SPART: variants seen among roughly 807,000 people sequenced by gnomAD.
SPART encodes the protein spartin, also known as spastic paraplegia 20 (Troyer syndrome).
A neutral mutation model predicts 58.7 loss-of-function variants in SPART; 35 were observed. The observed-to-expected ratio is 0.60, with a 90% CI of 0.46 to 0.79. The LOEUF (loss-of-function observed/expected upper bound fraction) is 0.79. SPART is among the 30% of genes least tolerant of loss of function. The pLI is 0.00. For synonymous variants in SPART, 284 were observed against 280.7 expected (o/e 1.01, Z -0.12); for missense variants, 730 against 786.1 (o/e 0.93, Z 0.85).
rs1180762875 is a variant in SPART, at chr13:36,326,572, T to C, written c.1288+3A>G. 2.5e-6 allele frequency: 4 copies of C among 1,613,350 alleles called. No individual in the cohort carries two copies. The highest frequency in any genetic ancestry group is 2.5e-6 in the Non-Finnish European group (3 of 1,179,828). On this transcript the variant is annotated splice_donor_region_variant and intron_variant, in intron 5 of 8. Transcript: ENST00000438666. ...GGGAAAAAAATTAACATTACTGTAATACCTGACAAAATGTTGTGAGCCACT... is the reference window on the plus strand; with the variant it reads ...GGGAAAAAAATTAACATTACTGTAACACCTGACAAAATGTTGTGAGCCACT...
intron 6 of SPART, among the ~76,000 whole-genome samples, chr13:36,313,191 T>C (rs1177881097): frequency 4.6e-5 from 7 of 152,128 alleles, no homozygotes. Context: ...TCCCTCCCTC[T>C]TGACCCTCAA....
chr13:36,313,165 T>C (rs984824507), intron 6 of SPART, among the ~76,000 whole-genome samples: 2 of 152,176 alleles, frequency 1.3e-5, no homozygotes, highest in African/African-American at 4.8e-5. Context: ...TAAGTCAGTT[T>C]TTCTCAAACA....
intron 5 of SPART, among the ~76,000 whole-genome samples, chr13:36,318,528 C>T (rs2137381627): frequency 6.6e-6 from 1 of 152,216 alleles, no homozygotes; most frequent in East Asian, 1.9e-4. Flanking sequence ...AAATTCTGGC[C>T]CTCAAACCCC....
At chr13:36,315,845 A>G (rs1375492361) in intron 5 of SPART, among the ~76,000 whole-genome samples, 2 of 152,244 alleles carry the variant, frequency 1.3e-5, no homozygotes, top group South Asian at 2.1e-4. Flanking sequence ...TAATGAAATT[A>G]TAAGAAATAA....
At position 36,312,424 on chromosome 13, in the gene SPART, C is replaced by T; in HGVS notation, c.1537G>A (p.Val513Ile). 1 of 1,614,118 alleles carries T rather than the reference C, an allele frequency of 6.2e-7. No homozygotes were observed. The change falls in exon 7 of 9, where the codon GTC becomes ATC. Residue 513 changes from valine to isoleucine, a missense_variant. Transcript: ENST00000438666. Reference sequence around the variant, plus strand: ...ACAAGTTTGCTTCCATGCTTCTTGACATGTGGAGCTAGTTCTTTTCCAACG... The same window carrying T: ...ACAAGTTTGCTTCCATGCTTCTTGATATGTGGAGCTAGTTCTTTTCCAACG... ...NCVGKELAPH[V>I]KKHGSKLVPE... is the part of the protein sequence containing the mutation.
In SPART at chr13:36,304,546, A is replaced by G. The variant is rs1880303870; in HGVS notation, c.1820T>C (p.Ile607Thr). ...TTTCTTCACCATTGCTTTGATACCA[A>G]TGTTGTTAATATTGTAGGCAGTTAC... Reference protein sequence around the residue: ...VGVTAYNINNIGIKAMVKKTA... With the variant: ...VGVTAYNINNTGIKAMVKKTA... The change falls in exon 9 of 9, where the codon ATT (isoleucine) becomes ACT (threonine). Residue 607 changes from isoleucine (I) to threonine (T), a missense_variant. Transcript: ENST00000438666. 2 of 1,614,078 alleles carry G rather than the reference A, an allele frequency of 1.2e-6. No individual in the cohort carries two copies. The highest frequency in any genetic ancestry group is 1.7e-6 in the Non-Finnish European group (2 of 1,180,000).
chr13:36,318,933 G>A (rs200371611), intron 5 of SPART, among the ~76,000 whole-genome samples: 2 of 151,978 alleles, frequency 1.3e-5, no homozygotes, highest in Non-Finnish European at 2.9e-5. Context: ...CTGCCCGATC[G>A]CCTCGGAAGC....
rs753115191 is a variant in SPART at position 36,335,262 on chromosome 13, T to A, written c.569A>T (p.Asp190Val). 2.8e-5 allele frequency: 45 copies of A among 1,614,016 alleles called. No homozygotes were observed. In the South Asian group the frequency reaches 4.8e-4, roughly 17 times the overall value. Residue 190 changes from aspartate (D) to valine (V), a missense_variant, in exon 2 of 9, where the codon GAT becomes GTT. Asp to Val is a radical substitution (Grantham distance 152). Coordinates refer to ENST00000438666, the MANE Select transcript of SPART (RefSeq NM_015087.5). ...EGHYTVSYGT[D>V]SGEFSSVGEE... is the part of the protein sequence containing the mutation. ...TCCAACTGATGAAAACTCCCCAGAA[T>A]CTGTTCCATAGGATACAGTGTAGTG...
chr13:36,327,764 G>A (rs1422084488), intron 4 of SPART, among the ~76,000 whole-genome samples: 1 of 152,126 alleles, frequency 6.6e-6, no homozygotes, highest in Non-Finnish European at 1.5e-5. Context: ...AAGGTGGGTG[G>A]ATCACCTGAA....
At chr13:36,318,717 A>C (rs1882008887) in intron 5 of SPART, among the ~76,000 whole-genome samples, 3 of 152,284 alleles carry the variant, frequency 2.0e-5, no homozygotes, top group Non-Finnish European at 2.9e-5. Context: ...AGCTTGCTAC[A>C]CGTGCCGGAA....
rs1420423868 is a variant in SPART at position 36,335,773 on chromosome 13, A to T, written c.58T>A (p.Tyr20Asn). The T allele has an allele frequency of 6.2e-7, 1 of 1,613,900 alleles. No individual in the cohort carries two copies. Among genetic ancestry groups the T allele is most frequent in the East Asian group, 2.2e-5 (1 of 44,870 alleles). ...PAEIKIIREA[Y>N]KKAFLFVNKG... ...TTAACAAATAAAAAGGCCTTCTTAT[A>T]TGCTTCTCTGATGATCTTAATTTCA... The change falls in exon 2 of 9, where the codon TAT becomes AAT. Residue 20 changes from tyrosine (Y) to asparagine (N), a missense_variant. By Grantham distance (143) the Tyr-to-Asn change is moderately radical. Transcript: ENST00000438666.
intron 1 of SPART, among the ~76,000 whole-genome samples, chr13:36,362,303 A>G (rs959976144): frequency 1.4e-5 from 2 of 147,792 alleles, no homozygotes; most frequent in African/African-American, 2.5e-5. Flanking sequence ...AGTGAGCTGC[A>G]ATTACGCCAC....
At chr13:36,348,300 A>G (rs777633734), upstream of SPART, among the ~76,000 whole-genome samples, 19 of 152,294 alleles carry the variant, frequency 1.2e-4, no homozygotes, top group South Asian at 2.1e-4. Flanking sequence ...GCCCCCACCA[A>G]AAAAAGAAAG....
upstream of SPART, among the ~76,000 whole-genome samples, chr13:36,347,559 C>T (rs1316940626): frequency 6.6e-6 from 1 of 152,046 alleles, no homozygotes; most frequent in Non-Finnish European, 1.5e-5. Context: ...GGCCTTAGGA[C>T]CAGTTAAGTG....
intron 1 of SPART, among the ~76,000 whole-genome samples, chr13:36,361,966 G>A (rs1885877736): frequency 6.6e-6 from 1 of 152,166 alleles, no homozygotes; most frequent in African/African-American, 2.4e-5. Context: ...TCAGCATGCT[G>A]TGCAAAAATT....
At chr13:36,350,610 A>G (rs1013448350), upstream of SPART, among the ~76,000 whole-genome samples, 2 of 150,416 alleles carry the variant, frequency 1.3e-5, no homozygotes, top group Admixed American at 6.7e-5. Flanking sequence ...CTTAACTTCT[A>G]ACTTTTCTCC....
upstream of SPART, among the ~76,000 whole-genome samples, chr13:36,347,147 G>GAAAA (rs35356839): frequency 0.013 from 1,997 of 149,348 alleles, 27 homozygotes; most frequent in African/African-American, 0.036. Flanking sequence ...CTGCCTTAGG[G>GAAAA]AAAAAAAAAC....
intron 5 of SPART, among the ~76,000 whole-genome samples, chr13:36,320,226 G>A (rs769581385): frequency 6.6e-6 from 1 of 151,968 alleles, no homozygotes. Context: ...TCTGCTTCCC[G>A]GCGCCTTCAG....
intron 5 of SPART, 97 bp downstream of exon 5, chr13:36,326,478 A>G (rs1215745099): frequency 1.3e-6 from 2 of 1,491,158 alleles, no homozygotes; most frequent in East Asian, 4.6e-5. Context: ...AAAATACAAA[A>G]TATTATCTTT....
Sources: gnomAD v4.1 joint callset for allele counts (sites outside exome capture counted in the v4.1 genomes callset) on GRCh38, gnomAD v4.1.1 for gene constraint, MANE v1.5 for transcripts, NCBI Gene and HGNC (gene_info 2026-07-23, HGNC 2026-07-21) for gene names.